Variants in USP7 observed in about 807,000 individuals in gnomAD.
The protein encoded by USP7 is ubiquitin specific peptidase 7.
In USP7, 9 loss-of-function variants were observed where a neutral mutation model predicts 162.9. That is an observed-to-expected ratio of 0.06 (90% CI 0.03 to 0.10). USP7 has a LOEUF of 0.10. USP7 is among the 10% of genes least tolerant of loss of function. USP7 has a pLI of 1.00. For missense variants in USP7, 715 were observed against 1,373.7 expected, an observed-to-expected ratio of 0.52 and a Z score of 7.58; for synonymous variants, 562 against 475.9, an observed-to-expected ratio of 1.18 and a Z score of -2.35.
chr16:8,899,704 C>T lies in USP7; in HGVS notation c.2363G>A (p.Arg788Gln), dbSNP rs1289464601. The T allele has an allele frequency of 1.2e-6, 2 of 1,614,084 alleles. No homozygotes were observed. The highest frequency in any genetic ancestry group is 8.5e-7 in the Non-Finnish European group (1 of 1,180,042). Residue 788 changes from arginine (R) to glutamine (Q), a missense_variant, in exon 22 of 31, where the codon CGA (arginine) becomes CAA (glutamine). By Grantham distance (43) the Arg-to-Gln change is conservative. This residue lies in a region of USP7 where 222 missense variants were observed against 441.7 expected (regional missense o/e 0.50). Coordinates refer to ENST00000344836, the MANE Select transcript of USP7 (RefSeq NM_003470.3). ...SELPTAKEYF[R>Q]DLYHRVDVIF... is the part of the protein sequence containing the mutation. ...GACATCAACGCGGTGGTAGAGATCT[C>T]GGAAATACTCCTTTGCGGTGGGTAA...
intron 2 of USP7, among the ~76,000 whole-genome samples, chr16:8,928,607 C>T (rs536693543): frequency 6.6e-6 from 1 of 152,288 alleles, no homozygotes; most frequent in South Asian, 2.1e-4. Flanking sequence ...CAGTCAGGAC[C>T]ACCTCCCTCC....
intron 5 of USP7, among the ~76,000 whole-genome samples, chr16:8,920,069 C>T (rs957650697): frequency 4.6e-5 from 7 of 152,122 alleles, no homozygotes; most frequent in African/African-American, 1.2e-4. Context: ...ATTTATGTAC[C>T]GGTCTTAGCT....
intron 18 of USP7, 77 bp from the exon 19 acceptor site, chr16:8,901,311 CAA>C: frequency 1.2e-6 from 1 of 856,892 alleles, no homozygotes; most frequent in Non-Finnish European, 1.7e-6. Context: ...AACAAACAAA[CAA>C]AAAAACGAAA....
In USP7 at chr16:8,963,839, C is replaced by G. The variant is rs1900120454; in HGVS notation, c.-554G>C. The stretch of plus-strand genomic sequence containing the variant: ...CTCCTCGGCGTCGTCGTCGGGGCTC[C>G]GGCAGCGGACGCGGCGCCCGGCAGC... On this transcript the variant is annotated 5_prime_UTR_variant, in exon 1 of 31. Transcript: ENST00000344836. 6.8e-6 allele frequency among the ~76,000 whole-genome samples: 1 copy of G among 146,790 alleles called. No homozygotes were observed. Among genetic ancestry groups the G allele is most frequent in the Non-Finnish European group, 1.5e-5 (1 of 65,930 alleles).
intron 22 of USP7, chr16:8,899,400 A>T: frequency 1.3e-6 from 1 of 785,666 alleles, no homozygotes; most frequent in Non-Finnish European, 2.0e-6. Flanking sequence ...TTTCACTTTT[A>T]ATGGTGAGGT....
intron 6 of USP7, among the ~76,000 whole-genome samples, chr16:8,917,675 A>T (rs143818812): frequency 6.6e-6 from 1 of 152,166 alleles, no homozygotes; most frequent in African/African-American, 2.4e-5. Context: ...TACCGCACCC[A>T]GCCTCACCCA....
intron 27 of USP7, 127 bp from the exon 28 acceptor site, chr16:8,895,277 C>G: frequency 7.0e-7 from 1 of 1,424,868 alleles, no homozygotes. Context: ...AACGCCACAC[C>G]TGGATCCAGC....
chr16:8,905,271 T>G lies in USP7; in HGVS notation c.1489A>C (p.Asn497His). The change falls in exon 14 of 31, where the codon AAT (asparagine) becomes CAT (histidine). Residue 497 changes from asparagine to histidine, a missense_variant. Physicochemically the swap from Asn to His is moderately conservative, Grantham distance 68. Transcript: ENST00000344836. ...AGGTCGTCATCGTGACCCCCATAAT[T>G]GTGCTCAATTGCTTCCTCTTTAGTA... is the stretch of plus-strand genomic sequence containing the variant. ...RCTKEEAIEHNYGGHDDDLSV... is the reference protein window; with the variant it reads ...RCTKEEAIEHHYGGHDDDLSV... 1.9e-6 allele frequency: 3 copies of G among 1,614,206 alleles called. No individual in the cohort carries two copies. The highest frequency in any genetic ancestry group is 2.5e-6 in the Non-Finnish European group (3 of 1,180,026).
intron 22 of USP7, 50 bp downstream of exon 22, chr16:8,899,552 ATT>A: frequency 6.3e-7 from 1 of 1,596,500 alleles, no homozygotes; most frequent in Non-Finnish European, 8.5e-7. Context: ...TAAGAAAGAA[ATT>A]TGTCTTTCTG....
intron 1 of USP7, among the ~76,000 whole-genome samples, chr16:8,940,989 C>T (rs1345374590): frequency 6.6e-6 from 1 of 152,206 alleles, no homozygotes; most frequent in African/African-American, 2.4e-5. Context: ...TCTCCTCCCA[C>T]TCCAGGACCC....
At position 8,963,337 on chromosome 16, in the gene USP7, C is replaced by T. The variant is rs1900098607; in HGVS notation, c.-52G>A. The stretch of plus-strand genomic sequence containing the variant: ...CGGCCGGGGGCCGGGGCTGCGAGCC[C>T]GGCGGGCGGGCGGCGGCGAGCCGGG... On this transcript the variant is annotated 5_prime_UTR_variant, in exon 1 of 31. Transcript: ENST00000344836. 3.8e-6 allele frequency: 3 copies of T among 785,664 alleles called. No homozygotes were observed. Among genetic ancestry groups the T allele is most frequent in the African/African-American group, 1.9e-5 (1 of 52,542 alleles). The allele number at this position is 785,664 out of a possible 1,614,324, so 48.7% of individuals were successfully genotyped here.
At chr16:8,915,582 G>A in intron 8 of USP7, 57 bp from the exon 9 acceptor site, 1 of 1,415,640 alleles carries the variant, frequency 7.1e-7, no homozygotes. Flanking sequence ...AATATATACA[G>A]TAATTTTATA....
intron 11 of USP7, 104 bp from the exon 12 acceptor site, chr16:8,908,554 T>C: frequency 2.1e-6 from 2 of 953,284 alleles, no homozygotes; most frequent in South Asian, 3.3e-5. Context: ...CTGGAGACTC[T>C]GGAGACAAAG....
chr16:8,957,692 A>T (rs1899862554), intron 1 of USP7, among the ~76,000 whole-genome samples: 1 of 152,034 alleles, frequency 6.6e-6, no homozygotes, highest in Non-Finnish European at 1.5e-5. Context: ...CGGAAGTTTA[A>T]GGCTGCAGTG....
chr16:8,956,935 G>A (rs375358412), intron 1 of USP7, among the ~76,000 whole-genome samples: 6 of 152,192 alleles, frequency 3.9e-5, no homozygotes, highest in South Asian at 2.1e-4. Context: ...ACAAGTCGAC[G>A]CTATCTCTCA....
chr16:8,936,487 C>T, intron 1 of USP7: 1 of 1,313,140 alleles, frequency 7.6e-7, no homozygotes, highest in Non-Finnish European at 1.0e-6. Flanking sequence ...GATGTATAGC[C>T]CCAAATATAC....
In USP7 at chr16:8,926,673, T is replaced by C. The variant is rs2141222701; in HGVS notation, c.185-3260A>G. ...ATTATTTTTTTGCAACTTCCAAGTA[T>C]GCTAGGTATTAGCAAGGACACCCAC... On this transcript the variant is annotated intron_variant, in intron 2 of 30. Transcript: ENST00000344836. Among the ~76,000 whole-genome samples the C allele has an allele frequency of 1.3e-5, 2 of 152,354 alleles. 1 individual carries two copies. Among genetic ancestry groups the C allele is most frequent in the African/African-American group, 4.8e-5 (2 of 41,578 alleles).
At chr16:8,956,718 G>A (rs1049665634) in intron 1 of USP7, among the ~76,000 whole-genome samples, 3 of 151,614 alleles carry the variant, frequency 2.0e-5, no homozygotes, top group Middle Eastern at 3.4e-3. Context: ...AGCCGAGATC[G>A]TCCCACTGCA....
intron 8 of USP7, 147 bp from the exon 9 acceptor site, chr16:8,915,672 C>T (rs1170268245): frequency 2.7e-6 from 2 of 737,076 alleles, no homozygotes; most frequent in East Asian, 2.8e-5. Context: ...CAAAAACATA[C>T]AAAATCTTCT....
Sources: gnomAD v4.1 joint callset for allele counts (sites outside exome capture counted in the v4.1 genomes callset) on GRCh38, gnomAD v4.1.1 for gene constraint, gnomAD v4.1.1 regional missense constraint, MANE v1.5 for transcripts, NCBI Gene and HGNC (gene_info 2026-07-23, HGNC 2026-07-21) for gene names.